The following PGPEP1L variants were observed in gnomAD, a reference collection of about 807,000 sequenced individuals.
The protein encoded by PGPEP1L is pyroglutamyl-peptidase 1-like protein.
Under a neutral mutation model 6.0 loss-of-function variants are expected in PGPEP1L, and 7 were observed. The ratio of observed to expected loss-of-function variants is 1.17; its 90% CI spans 0.66 to 2.19. The LOEUF is 2.19. Among genes scored for constraint, PGPEP1L ranks in the 30% most tolerant of loss-of-function variants. The pLI is 0.00. For missense variants in PGPEP1L, 209 were observed against 192.5 expected, an observed-to-expected ratio of 1.09 and a Z score of -0.51; for synonymous variants, 103 against 83.9, an observed-to-expected ratio of 1.23 and a Z score of -1.24.
intron 2 of PGPEP1L, among the ~76,000 whole-genome samples, chr15:99,000,791 TG>T (rs2017955737): frequency 6.6e-6 from 1 of 151,856 alleles, no homozygotes; most frequent in African/African-American, 2.4e-5. Flanking sequence ...AGGATGTGGG[TG>T]GGGCCAGATA....
intron 2 of PGPEP1L, among the ~76,000 whole-genome samples, chr15:98,990,027 A>G (rs2017798441): frequency 6.6e-6 from 1 of 152,262 alleles, no homozygotes. Flanking sequence ...CTGCGAAACC[A>G]TACCAAATTG....
chr15:98,969,933 T>C (rs573903012), intron 3 of PGPEP1L, among the ~76,000 whole-genome samples: 18 of 152,272 alleles, frequency 1.2e-4, no homozygotes, highest in African/African-American at 4.3e-4. Context: ...GTATTCTCTT[T>C]TTGTGGGGGG....
At chr15:98,976,771 T>A (rs2017576149) in intron 2 of PGPEP1L, among the ~76,000 whole-genome samples, 1 of 152,214 alleles carries the variant, frequency 6.6e-6, no homozygotes, top group Non-Finnish European at 1.5e-5. Flanking sequence ...GTTTACTTGC[T>A]GCATCTCAGA....
In PGPEP1L at chr15:98,979,676, A is replaced by T. The variant is rs1186720455; in HGVS notation, c.-141-8518T>A. Among the ~76,000 whole-genome samples the T allele has an allele frequency of 3.8e-5, 4 of 106,414 alleles. No individual in the cohort carries two copies. In the East Asian group the frequency reaches 1.2e-3, roughly 32 times the overall value. The allele number at this position is 106,414 out of a possible 152,430, so 69.8% of individuals were successfully genotyped here. On this transcript the variant is annotated intron_variant, in intron 2 of 4. Coordinates refer to ENST00000535714, the MANE Select transcript of PGPEP1L (RefSeq NM_001167902.2). ...TTTTTTTTTTTTTTTTTGGAGACAG[A>T]GTCTCACTCTGTCACCCAGGCTGGC... is the stretch of plus-strand genomic sequence containing the variant.
At chr15:98,968,881 TTGGCCTCA>T (rs1013702258) in intron 4 of PGPEP1L, among the ~76,000 whole-genome samples, 184 bp from the exon 5 acceptor site, 2 of 152,234 alleles carry the variant, frequency 1.3e-5, no homozygotes, top group Admixed American at 1.3e-4. Context: ...GAGCTGGCTC[TTGGCCTCA>T]TGGCCTCATG....
chr15:98,998,184 G>T (rs1388932761), intron 2 of PGPEP1L: 14 of 152,706 alleles, frequency 9.2e-5, no homozygotes, highest in African/African-American at 3.1e-4. Context: ...ACATGCCCAG[G>T]TTTGCTCAAG....
intron 2 of PGPEP1L, among the ~76,000 whole-genome samples, chr15:98,990,282 G>A (rs551382040): frequency 8.7e-5 from 13 of 150,052 alleles, no homozygotes; most frequent in African/African-American, 2.5e-4. Flanking sequence ...CCAACCAAAT[G>A]GAAAGAAAAA....
chr15:99,001,950 T>C (rs1555473108), intron 2 of PGPEP1L, among the ~76,000 whole-genome samples: 1 of 152,158 alleles, frequency 6.6e-6, no homozygotes, highest in African/African-American at 2.4e-5. Flanking sequence ...ACTCCTGCCC[T>C]AAGTGATCCA....
Position 98,968,617 on chromosome 15 carries a change from G to A in PGPEP1L, c.290C>T (p.Ser97Leu), listed in dbSNP as rs781486295. The A allele has an allele frequency of 1.0e-5, 16 of 1,604,856 alleles. No individual in the cohort carries two copies. Among genetic ancestry groups the A allele is most frequent in the Middle Eastern group, 1.6e-4 (1 of 6,076 alleles). ...CAGCAGGCTGGCCGGGAGCCCGCGC[G>A]ATAGTGGAGGGACATGGATGAGTGC... ...CAALIHVPPL[S>L]RGLPASLLGR... Residue 97 changes from serine to leucine, a missense_variant, in exon 5 of 5, where the codon TCG (serine) becomes TTG (leucine). Coordinates refer to ENST00000535714, the MANE Select transcript of PGPEP1L (RefSeq NM_001167902.2).
chr15:98,993,781 C>T (rs1300082769), intron 2 of PGPEP1L, among the ~76,000 whole-genome samples: 4 of 151,646 alleles, frequency 2.6e-5, no homozygotes, highest in Admixed American at 2.6e-4. Context: ...ATGTAACAAA[C>T]CTGCACGTTC....
At chr15:98,971,729 CAAGT>C (rs1434042217) in intron 2 of PGPEP1L, among the ~76,000 whole-genome samples, 2 of 152,130 alleles carry the variant, frequency 1.3e-5, no homozygotes, top group Non-Finnish European at 2.9e-5. Context: ...CTCACTGGCA[CAAGT>C]AAGAAAACAC....
chr15:98,971,847 A>T (rs755949886), intron 2 of PGPEP1L, among the ~76,000 whole-genome samples: 12 of 152,240 alleles, frequency 7.9e-5, no homozygotes, highest in Non-Finnish European at 1.6e-4. Flanking sequence ...CAGTTGGTTG[A>T]GAGATAGGCA....
chr15:98,991,994 C>T (rs2017825772), intron 2 of PGPEP1L, among the ~76,000 whole-genome samples: 1 of 152,182 alleles, frequency 6.6e-6, no homozygotes, highest in South Asian at 2.1e-4. Context: ...CAGCCAATAT[C>T]ATACTGAATA....
intron 2 of PGPEP1L, among the ~76,000 whole-genome samples, chr15:99,004,289 G>A (rs1476086756): frequency 5.9e-5 from 9 of 152,006 alleles, no homozygotes; most frequent in South Asian, 4.2e-4. Context: ...AGTGCCTGTT[G>A]TCCCAGCTAC....
rs113055923 is a variant in PGPEP1L, at chr15:98,994,377, G to A, written c.-142+11052C>T. On this transcript the variant is annotated intron_variant, in intron 2 of 4. Coordinates refer to ENST00000535714, the MANE Select transcript of PGPEP1L (RefSeq NM_001167902.2). ...AAGCCTAACAAGAAGCTACTGGCCC[G>A]GCGTGGTGGCTCACACCTGTAATCC... 5.8e-3 allele frequency among the ~76,000 whole-genome samples: 884 copies of A among 152,168 alleles called. 7 individuals are homozygous for A. Among genetic ancestry groups the A allele is most frequent in the African/African-American group, 0.017 (713 of 41,526 alleles).
Position 98,971,058 on chromosome 15 carries a change from A to G in PGPEP1L, c.-41T>C. 1 of 1,613,698 alleles carries G rather than the reference A, an allele frequency of 6.2e-7. No individual in the cohort carries two copies. The highest frequency in any genetic ancestry group is 8.5e-7 in the Non-Finnish European group (1 of 1,179,788). On this transcript the variant is annotated 5_prime_UTR_variant, in exon 3 of 5. Coordinates refer to ENST00000535714, the MANE Select transcript of PGPEP1L (RefSeq NM_001167902.2). ...TACTTGCGGCTGATGATCTTCCCAGATTCCGGTGACCCTCCGCTTAGCCTC... is the reference window on the plus strand; with the variant it reads ...TACTTGCGGCTGATGATCTTCCCAGGTTCCGGTGACCCTCCGCTTAGCCTC...
chr15:98,978,726 A>ATATATATT (rs1446348988), intron 2 of PGPEP1L, among the ~76,000 whole-genome samples: 27 of 85,232 alleles, frequency 3.2e-4, no homozygotes, highest in African/African-American at 1.3e-3. Flanking sequence ...ATATATATAT[A>ATATATATT]TTTTTTTTTT....
At chr15:98,969,971 G>A (rs1381395136) in intron 3 of PGPEP1L, among the ~76,000 whole-genome samples, 1 of 152,166 alleles carries the variant, frequency 6.6e-6, no homozygotes, top group African/African-American at 2.4e-5. Context: ...AGGCAAGCTA[G>A]TAAGTGGTGA....
chr15:99,003,942 G>A (rs1297105710), intron 2 of PGPEP1L, among the ~76,000 whole-genome samples: 1 of 148,204 alleles, frequency 6.7e-6, no homozygotes, highest in Non-Finnish European at 1.5e-5. Context: ...TAAGAGCAAG[G>A]GAGATAAAAG....
Sources: allele counts gnomAD v4.1 joint callset (sites outside exome capture counted in the v4.1 genomes callset), GRCh38; gene constraint gnomAD v4.1.1; transcripts MANE v1.5; gene names NCBI Gene and HGNC (gene_info 2026-07-23, HGNC 2026-07-21).